The following FN1 variants were observed in gnomAD, a reference collection of about 807,000 sequenced individuals.
FN1 encodes the protein fibronectin.
Under a neutral mutation model 297.3 loss-of-function variants are expected in FN1, and 106 were observed. The ratio of observed to expected loss-of-function variants is 0.36; its 90% CI spans 0.30 to 0.42. The LOEUF (loss-of-function observed/expected upper bound fraction) is 0.42, where lower values mean the gene tolerates loss of function less well. Among genes scored for constraint, FN1 ranks in the 10% least tolerant of loss-of-function variants. The pLI is 1.00. For missense variants in FN1, 2,690 were observed against 3,124.9 expected, an observed-to-expected ratio of 0.86 and a Z score of 3.32; for synonymous variants, 1,149 against 1,152.6, an observed-to-expected ratio of 1.00 and a Z score of 0.06.
At chr2:215,371,271 G>GA (rs34085634) in intron 40 of FN1, among the ~76,000 whole-genome samples, 38,081 of 146,812 alleles carry the variant, frequency 0.26, 5,706 homozygotes, top group East Asian at 0.74. Flanking sequence ...CCATCTCGGG[G>GA]AAAAAAAAAA....
Position 215,435,656 on chromosome 2 carries a change from C to T in FN1, c.147G>A (p.Lys49=). 3.1e-6 allele frequency: 5 copies of T among 1,613,630 alleles called. No homozygotes were observed. The highest frequency in any genetic ancestry group is 4.2e-6 in the Non-Finnish European group (5 of 1,179,972). The change falls in exon 1 of 46, where the codon AAG becomes AAA. Residue 49 remains lysine, a splice_region_variant and synonymous_variant. Transcript: ENST00000354785. ...PQSPVAVSQS[K]PGCYDNGKHY... is the part of the protein sequence containing the mutation. Reference sequence around the variant, plus strand: ...TTTCAGCCCGCGGTCAGTACTCACGCTTGCTTTGACTGACAGCCACCGGGG... The same window carrying T: ...TTTCAGCCCGCGGTCAGTACTCACGTTTGCTTTGACTGACAGCCACCGGGG...
chr2:215,370,070 A>G (rs1179629673), intron 41 of FN1, among the ~76,000 whole-genome samples: 1 of 152,192 alleles, frequency 6.6e-6, no homozygotes, highest in Non-Finnish European at 1.5e-5. Flanking sequence ...TCACCATTTG[A>G]GAGTCTGTCA....
intron 44 of FN1, among the ~76,000 whole-genome samples, chr2:215,363,906 C>T (rs1020224546): frequency 6.6e-6 from 1 of 152,204 alleles, no homozygotes; most frequent in Non-Finnish European, 1.5e-5. Flanking sequence ...TAAGCCACTT[C>T]TTCCCATCTA....
intron 10 of FN1, chr2:215,421,358 CT>C: frequency 5.2e-6 from 1 of 191,678 alleles, no homozygotes; most frequent in Non-Finnish European, 1.1e-5. Context: ...TTACTTTTTC[CT>C]TTTTGGGTCT....
At position 215,397,217 on chromosome 2, in the gene FN1, G is replaced by T. The variant is rs769119538; in HGVS notation, c.3524C>A (p.Ser1175Tyr). 1.2e-6 allele frequency: 2 copies of T among 1,611,226 alleles called. No homozygotes were observed. The highest frequency in any genetic ancestry group is 1.7e-6 in the Non-Finnish European group (2 of 1,177,438). The change falls in exon 23 of 46, where the codon TCT becomes TAT. Residue 1175 changes from serine to tyrosine, a missense_variant. Transcript: ENST00000354785. ...CTCCAGATGCAAGTTTGTTGGTGGA[G>T]ACAATGCTATGCAGAAAGAACATTT... ...PIVNKVVTPL[S>Y]PPTNLHLEAN...
chr2:215,387,910 CAG>C (rs1040849132), intron 27 of FN1, among the ~76,000 whole-genome samples: 1 of 152,168 alleles, frequency 6.6e-6, no homozygotes, highest in Non-Finnish European at 1.5e-5. Context: ...AGCCATTAGA[CAG>C]AGCTGCCTAA....
intron 29 of FN1, chr2:215,384,585 T>A (rs983040514): frequency 9.8e-6 from 4 of 407,646 alleles, no homozygotes; most frequent in Non-Finnish European, 1.8e-5. Flanking sequence ...AAATCACTTA[T>A]TTCCACCACT....
intron 13 of FN1, chr2:215,414,578 T>A: frequency 2.9e-6 from 2 of 699,330 alleles, no homozygotes; most frequent in Non-Finnish European, 4.1e-6. Flanking sequence ...AAAAGATTTC[T>A]GTAACATAAA....
At chr2:215,424,089 A>T in intron 8 of FN1, 57 bp downstream of exon 8, 1 of 1,540,166 alleles carries the variant, frequency 6.5e-7, no homozygotes, top group Non-Finnish European at 9.0e-7. Flanking sequence ...GGCAAATAAA[A>T]CTAGGGCATG....
rs947116312 is a variant in FN1 at position 215,372,268 on chromosome 2, A to G, written c.6355T>C (p.Tyr2119His). The G allele has an allele frequency of 6.2e-7, 1 of 1,614,046 alleles. No individual in the cohort carries two copies. Among genetic ancestry groups the G allele is most frequent in the African/African-American group, 1.3e-5 (1 of 74,900 alleles). The change falls in exon 40 of 46, where the codon TAT becomes CAT. Residue 2119 changes from tyrosine (Y) to histidine (H), a missense_variant. Physicochemically the swap from Tyr to His is moderately conservative, Grantham distance 83. Transcript: ENST00000354785. ...AGCTGAATACCATTTCCAGTGTCAT[A>G]CCCAGGGTGGGTGACGAAAGGGGTC... ...QKTPFVTHPG[Y>H]DTGNGIQLPG...
intron 27 of FN1, among the ~76,000 whole-genome samples, chr2:215,387,204 G>A (rs1003500062): frequency 6.6e-6 from 1 of 152,138 alleles, no homozygotes; most frequent in Non-Finnish European, 1.5e-5. Flanking sequence ...CTTGTGCTAA[G>A]TAATTCAAGC....
rs528067285 is a variant in FN1, at chr2:215,401,047, C to T, written c.3254-1696G>A. Among the ~76,000 whole-genome samples the T allele has an allele frequency of 4.7e-5, 7 of 149,550 alleles. No individual in the cohort carries two copies. In the South Asian group the frequency reaches 1.5e-3, roughly 32 times the overall value. On this transcript the variant is annotated intron_variant, in intron 20 of 45. Transcript: ENST00000354785. ...CTGACCTTAGGTGATCTACCCACCT[C>T]GGCCTCCCAAAGTGCTGGAATTACA...
chr2:215,412,143 A>G (rs376924412), intron 13 of FN1, among the ~76,000 whole-genome samples: 2 of 152,224 alleles, frequency 1.3e-5, no homozygotes, highest in African/African-American at 2.4e-5. Flanking sequence ...AGTTCTGCAA[A>G]TGGCCAGATT....
rs55953250 is a variant in FN1, at chr2:215,361,861, G to GTTT, written c.7362+105_7362+107dup. The GTTT allele has an allele frequency of 9.7e-6, 11 of 1,132,594 alleles. No individual in the cohort carries two copies. The African/African-American group carries it at 1.6e-4, about 17-fold the overall frequency. 70.2% of individuals were successfully genotyped at this position (1,132,594 alleles called of 1,614,324 possible). A position where few individuals can be genotyped will look rare whatever the true frequency, so the allele number is the denominator to read the frequency against. On this transcript the variant is annotated intron_variant, in intron 45 of 45. Transcript: ENST00000354785. ...GTTTCACTTAAGTCATTTATGAGTT[G>GTTT]TTTTTTTTTTTAATTAATTAAAACA...
chr2:215,410,798 C>T (rs1296813651), intron 13 of FN1, among the ~76,000 whole-genome samples: 3 of 152,182 alleles, frequency 2.0e-5, no homozygotes, highest in African/African-American at 4.8e-5. Context: ...TGAGCCACCA[C>T]GCCCACCCAC....
chr2:215,410,084 T>C lies in FN1; in HGVS notation c.1972A>G (p.Thr658Ala). 1.9e-6 allele frequency: 3 copies of C among 1,613,820 alleles called. No homozygotes were observed. Among genetic ancestry groups the C allele is most frequent in the Non-Finnish European group, 2.5e-6 (3 of 1,179,942 alleles). ...TAGGAGTTTAAGTGGCCTGGTATGG[T>C]AGCTTCCTTCCAACGGCCTACAGAA... ...KNSVGRWKEA[T>A]IPGHLNSYTI... Residue 658 changes from threonine (T) to alanine (A), a missense_variant, in exon 14 of 46, where the codon ACC becomes GCC. This residue lies in a region of FN1 where 876 missense variants were observed against 1,058.1 expected (regional missense o/e 0.83). Transcript: ENST00000354785.
intron 36 of FN1, 86 bp downstream of exon 36, chr2:215,376,412 C>G: frequency 8.4e-7 from 1 of 1,184,964 alleles, no homozygotes; most frequent in Non-Finnish European, 1.3e-6. Context: ...TAAATTTTAT[C>G]AGTGTCAGTC....
chr2:215,377,611 G>C (rs1307376684), intron 35 of FN1, among the ~76,000 whole-genome samples: 2 of 152,192 alleles, frequency 1.3e-5, no homozygotes, highest in African/African-American at 4.8e-5. Context: ...TGTAAAGCCT[G>C]CTGGCCTGTG....
chr2:215,408,366 A>G lies in FN1; in HGVS notation c.2360T>C (p.Ile787Thr), dbSNP rs1379115524. ...IPDLLPGRKY[I>T]VNVYQISEDG... ...CTCAGATATCTGATAGACATTTACAATGTATTTTCGGCCAGGAAGCAGGTC... is the reference window on the plus strand; with the variant it reads ...CTCAGATATCTGATAGACATTTACAGTGTATTTTCGGCCAGGAAGCAGGTC... Residue 787 changes from isoleucine (I) to threonine (T), a missense_variant, in exon 16 of 46, where the codon ATT becomes ACT. By Grantham distance (89) the Ile-to-Thr change is moderately conservative. This residue lies in a region of FN1 where 876 missense variants were observed against 1,058.1 expected (regional missense o/e 0.83). Coordinates refer to ENST00000354785, the MANE Select transcript of FN1 (RefSeq NM_212482.4). The G allele has an allele frequency of 1.9e-6, 3 of 1,613,902 alleles. No homozygotes were observed. Among genetic ancestry groups the G allele is most frequent in the African/African-American group, 2.7e-5 (2 of 74,904 alleles).
Sources: allele counts gnomAD v4.1 joint callset (sites outside exome capture counted in the v4.1 genomes callset), GRCh38; gene constraint gnomAD v4.1.1; regional missense constraint gnomAD v4.1.1; transcripts MANE v1.5; gene names NCBI Gene and HGNC (gene_info 2026-07-23, HGNC 2026-07-21).